PDE4D: variants seen among roughly 807,000 people sequenced by gnomAD.
PDE4D encodes the protein phosphodiesterase 4D.
A neutral mutation model predicts 87.4 loss-of-function variants in PDE4D; 24 were observed. The observed-to-expected ratio is 0.27, with a 90% confidence interval of 0.20 to 0.39. The LOEUF (loss-of-function observed/expected upper bound fraction) is 0.39. PDE4D is among the 10% of genes least tolerant of loss of function. The probability of loss-of-function intolerance (pLI) is 1.00; values close to 1 mark genes in which losing one functional copy is unlikely to be tolerated. For synonymous variants in PDE4D, 384 were observed against 383.2 expected (o/e 1.00, Z -0.02); for missense variants, 714 against 1,041.0 (o/e 0.69, Z 4.32).
intron 1 of PDE4D, among the ~76,000 whole-genome samples, chr5:60,426,008 G>A (rs1210467165): frequency 6.6e-6 from 1 of 152,188 alleles, no homozygotes; most frequent in Non-Finnish European, 1.5e-5. Context: ...CAGTTAGAAT[G>A]GCAATTATTA....
intron 5 of PDE4D, among the ~76,000 whole-genome samples, chr5:59,173,484 A>G (rs1472866738): frequency 6.6e-6 from 1 of 152,226 alleles, no homozygotes; most frequent in Non-Finnish European, 1.5e-5. Context: ...TTTTTACCGG[A>G]AGATTCTTTT....
chr5:59,083,090 T>C (rs538142490), intron 5 of PDE4D, among the ~76,000 whole-genome samples: 1 of 152,272 alleles, frequency 6.6e-6, no homozygotes, highest in East Asian at 1.9e-4. Flanking sequence ...AGTCCTTCCA[T>C]GTTTAAATAC....
At chr5:59,432,307 C>T (rs901192698) in intron 1 of PDE4D, among the ~76,000 whole-genome samples, 42 of 151,984 alleles carry the variant, frequency 2.8e-4, no homozygotes, top group African/African-American at 9.7e-4. Context: ...TTTGTGAATG[C>T]ACAGAGACCT....
intron 1 of PDE4D, among the ~76,000 whole-genome samples, chr5:59,574,057 TAAA>T (rs1245624819): frequency 2.1e-4 from 13 of 63,278 alleles, no homozygotes; most frequent in African/African-American, 8.3e-4. Flanking sequence ...TATTTATATA[TAAA>T]AATATATATA....
rs1827868516 is a variant in PDE4D at position 59,604,100 on chromosome 5, TAC to T, written c.455+289066_455+289067del. ...TATCAAGACATGCCATATGTTTGAA[TAC>T]AGTCTTGTAAAAACAGTTTTTCTGA... On this transcript the variant is annotated intron_variant, in intron 1 of 14. Transcript: ENST00000340635. Among the ~76,000 whole-genome samples, 3 of 136,570 alleles carry T rather than the reference TAC, an allele frequency of 2.2e-5. No homozygotes were observed. The South Asian group carries it at 7.9e-4, about 36-fold the overall frequency. 89.6% of individuals were successfully genotyped at this position (136,570 alleles called of 152,430 possible). A position where few individuals can be genotyped will look rare whatever the true frequency, so the allele number is the denominator to read the frequency against.
intron 1 of PDE4D, among the ~76,000 whole-genome samples, chr5:60,466,148 C>T (rs1747335076): frequency 6.6e-6 from 1 of 152,080 alleles, no homozygotes; most frequent in South Asian, 2.1e-4. Flanking sequence ...CTGCCATTGC[C>T]AAAATGCATC....
intron 1 of PDE4D, among the ~76,000 whole-genome samples, chr5:60,400,053 G>A (rs553173776): frequency 2.0e-5 from 3 of 152,272 alleles, no homozygotes; most frequent in South Asian, 4.1e-4. Context: ...ATTCACATCA[G>A]CATCTGAGGC....
chr5:59,964,910 T>C (rs1008258118), intron 3 of PDE4D, among the ~76,000 whole-genome samples: 7 of 152,188 alleles, frequency 4.6e-5, no homozygotes, highest in Non-Finnish European at 7.4e-5. Context: ...AATTTACAGT[T>C]AGATTATGTT....
chr5:59,001,755 C>T (rs1325217179), intron 6 of PDE4D, among the ~76,000 whole-genome samples: 4 of 152,178 alleles, frequency 2.6e-5, no homozygotes, highest in African/African-American at 7.2e-5. Context: ...CTGCTAGTCA[C>T]GACAAACTTT....
At chr5:59,599,377 C>A (rs1003879443) in intron 1 of PDE4D, among the ~76,000 whole-genome samples, 1 of 151,440 alleles carries the variant, frequency 6.6e-6, no homozygotes, top group African/African-American at 2.4e-5. Context: ...ACCACCACCA[C>A]ACCCAGCTAT....
At chr5:59,429,420 C>T (rs890573490) in intron 1 of PDE4D, among the ~76,000 whole-genome samples, 1 of 151,976 alleles carries the variant, frequency 6.6e-6, no homozygotes, top group Non-Finnish European at 1.5e-5. Context: ...TTTTTAATCA[C>T]TTAAACATCC....
chr5:59,488,901 T>A (rs1436880224), intron 1 of PDE4D, among the ~76,000 whole-genome samples: 1 of 152,054 alleles, frequency 6.6e-6, no homozygotes, highest in Non-Finnish European at 1.5e-5. Flanking sequence ...CCAACTGAGA[T>A]GAGTCAAATA....
At chr5:59,843,032 T>C (rs1460635404) in intron 1 of PDE4D, among the ~76,000 whole-genome samples, 1 of 151,986 alleles carries the variant, frequency 6.6e-6, no homozygotes, top group East Asian at 1.9e-4. Flanking sequence ...TCTTATATTT[T>C]TTGCTCACAT....
At chr5:60,181,253 A>T (rs945833127) in intron 2 of PDE4D, among the ~76,000 whole-genome samples, 6 of 152,174 alleles carry the variant, frequency 3.9e-5, no homozygotes, top group African/African-American at 7.2e-5. Context: ...GATGGAAAAA[A>T]ATATATATTT....
intron 1 of PDE4D, among the ~76,000 whole-genome samples, chr5:59,375,820 A>G (rs1784623525): frequency 6.6e-6 from 1 of 152,220 alleles, no homozygotes; most frequent in African/African-American, 2.4e-5. Flanking sequence ...CCAGTATCAC[A>G]TCAAAAAGCT....
chr5:59,614,548 C>T (rs1829415824), intron 1 of PDE4D, among the ~76,000 whole-genome samples: 1 of 152,124 alleles, frequency 6.6e-6, no homozygotes, highest in Non-Finnish European at 1.5e-5. Flanking sequence ...CATAAAGCAA[C>T]AATATACAAA....
chr5:60,220,233 A>G, intron 1 of PDE4D, among the ~76,000 whole-genome samples: 1 of 152,196 alleles, frequency 6.6e-6, no homozygotes, highest in Non-Finnish European at 1.5e-5. Context: ...GCATGAGTGC[A>G]TGAAAAAGGT....
rs1747569729 is a variant in PDE4D, at chr5:60,468,543, G to A, written c.-90+19399C>T. On this transcript the variant is annotated intron_variant, in intron 1 of 16. Transcript: ENST00000502484. The stretch of plus-strand genomic sequence containing the variant: ...AACAAAAATTGAGGCAATTCTAGGT[G>A]AATTATCTCAATTTTTCCTTCCTTC... 2.6e-5 allele frequency among the ~76,000 whole-genome samples: 4 copies of A among 151,618 alleles called. 1 individual carries two copies. The South Asian group carries it at 8.3e-4, about 32-fold the overall frequency.
At chr5:59,148,944 G>A (rs893520390) in intron 5 of PDE4D, among the ~76,000 whole-genome samples, 2 of 152,184 alleles carry the variant, frequency 1.3e-5, no homozygotes, top group South Asian at 2.1e-4. Flanking sequence ...ATTAGGCTGC[G>A]GAATCCTGCA....
Sources: gnomAD v4.1 joint callset for allele counts (sites outside exome capture counted in the v4.1 genomes callset) on GRCh38, gnomAD v4.1.1 for gene constraint, MANE v1.5 for transcripts, NCBI Gene and HGNC (gene_info 2026-07-23, HGNC 2026-07-21) for gene names.